TNFSF15: variants seen among roughly 807,000 people sequenced by gnomAD.
TNFSF15 encodes tumor necrosis factor ligand superfamily member 15.
In TNFSF15, 15 loss-of-function variants were observed where a neutral mutation model predicts 26.4. The ratio of observed to expected loss-of-function variants is 0.57; its 90% CI spans 0.38 to 0.87. The LOEUF (loss-of-function observed/expected upper bound fraction) is 0.87, where lower values mean the gene tolerates loss of function less well. Among genes scored for constraint, TNFSF15 ranks in the 40% least tolerant of loss-of-function variants. The probability of loss-of-function intolerance (pLI) is 0.00; values close to 1 mark genes in which losing one functional copy is unlikely to be tolerated. For missense variants in TNFSF15, 290 were observed against 306.1 expected (o/e 0.95, Z 0.39); for synonymous variants, 116 against 115.0 (o/e 1.01, Z -0.06).
chr9:114,804,654 C>T (rs543958055), intron 1 of TNFSF15, among the ~76,000 whole-genome samples: 1 of 152,348 alleles, frequency 6.6e-6, no homozygotes, highest in Admixed American at 6.5e-5. Flanking sequence ...CTTCCCATGA[C>T]CTGCGGTTCT....
rs557855030 is a variant in TNFSF15, at chr9:114,795,694, G to A, written c.211-2126C>T. ...ATCAATCCCTGTGGATACCGAGGGA[G>A]GACTGTCTCATGAATGAGGAATTGT... is the stretch of plus-strand genomic sequence containing the variant. On this transcript the variant is annotated intron_variant, in intron 1 of 3. Coordinates refer to ENST00000374045, the MANE Select transcript of TNFSF15 (RefSeq NM_005118.4). 2.0e-5 allele frequency among the ~76,000 whole-genome samples: 3 copies of A among 152,290 alleles called. No individual in the cohort carries two copies. In the South Asian group the frequency reaches 6.2e-4, roughly 32 times the overall value.
rs992781652 is a variant in TNFSF15 at position 114,792,330 on chromosome 9, G to A, written c.301+77C>T. 2.6e-6 allele frequency: 4 copies of A among 1,550,542 alleles called. No individual in the cohort carries two copies. The African/African-American group carries it at 5.5e-5, about 21-fold the overall frequency. On this transcript the variant is annotated intron_variant, in intron 3 of 3. Transcript: ENST00000374045. ...AGTTTTCATTTTAAGCCACTAGAATGAATTTTGGTAAAGTGCTGAAAGAAA... is the reference window on the plus strand; with the variant it reads ...AGTTTTCATTTTAAGCCACTAGAATAAATTTTGGTAAAGTGCTGAAAGAAA...
chr9:114,790,809 G>C lies in TNFSF15; in HGVS notation c.399C>G (p.Asn133Lys), dbSNP rs192783899. ...LGLAFTKNRM[N>K]YTNKFLLIPE... is the part of the protein sequence containing the mutation. Reference sequence around the variant, plus strand: ...GGATCAGCAGGAATTTGTTGGTATAGTTCATTCGGTTCTTGGTGAAGGCCA... The same window carrying C: ...GGATCAGCAGGAATTTGTTGGTATACTTCATTCGGTTCTTGGTGAAGGCCA... Residue 133 changes from asparagine to lysine, a missense_variant, in exon 4 of 4, where the codon AAC (asparagine) becomes AAG (lysine). Around this residue, in one of 3 missense-constraint regions of TNFSF15, gnomAD observed 179 missense variants for 165.9 expected, o/e 1.08. Coordinates refer to ENST00000374045, the MANE Select transcript of TNFSF15 (RefSeq NM_005118.4). 1.9e-6 allele frequency: 3 copies of C among 1,614,106 alleles called. No individual in the cohort carries two copies. The highest frequency in any genetic ancestry group is 2.2e-5 in the East Asian group (1 of 44,874).
intron 1 of TNFSF15, among the ~76,000 whole-genome samples, chr9:114,801,429 A>G (rs1046634500): frequency 6.6e-6 from 1 of 152,164 alleles, no homozygotes; most frequent in Non-Finnish European, 1.5e-5. Context: ...ACACAGAGAG[A>G]GCTCATAAAC....
rs770311260 is a variant in TNFSF15, at chr9:114,790,617, C to T, written c.591G>A (p.Gly197=). The change falls in exon 4 of 4, where the codon GGG becomes GGA. Residue 197 remains glycine (G), a synonymous_variant. Transcript: ENST00000374045. The stretch of plus-strand genomic sequence containing the variant: ...TACCTACTTCGCATACAGACTTGGT[C>T]CCCATGAGGAGCTGGGTTGGCTCAG... ...SYPEPTQLLM[G]TKSVCEVGSN... 1.2e-6 allele frequency: 2 copies of T among 1,614,026 alleles called. No homozygotes were observed. The highest frequency in any genetic ancestry group is 1.7e-6 in the Non-Finnish European group (2 of 1,179,992).
chr9:114,793,594 G>T lies in TNFSF15; in HGVS notation c.211-26C>A. 3 of 1,612,264 alleles carry T rather than the reference G, an allele frequency of 1.9e-6. No individual in the cohort carries two copies. The South Asian group carries it at 3.3e-5, about 18-fold the overall frequency. On this transcript the variant is annotated intron_variant, in intron 1 of 3. Transcript: ENST00000374045. ...CTATTGGGAAAGAAAGTATAGTTTA[G>T]ACCAACTGTGGTCCTTTTGATCCCA...
chr9:114,800,741 T>C (rs757871847), intron 1 of TNFSF15, among the ~76,000 whole-genome samples: 20 of 152,250 alleles, frequency 1.3e-4, no homozygotes, highest in Non-Finnish European at 1.9e-4. Flanking sequence ...TTTATAGGTG[T>C]GATCTCATGT....
rs1829473408 is a variant in TNFSF15 at position 114,784,994 on chromosome 9, C to G, written c.*5458G>C. 6.6e-6 allele frequency: 1 copy of G among 152,226 alleles called. No individual in the cohort carries two copies. Among genetic ancestry groups the G allele is most frequent in the African/African-American group, 2.4e-5 (1 of 41,456 alleles). 9.4% of individuals were successfully genotyped at this position (152,226 alleles called of 1,614,324 possible). On this transcript the variant is annotated 3_prime_UTR_variant, in exon 4 of 4. Coordinates refer to ENST00000374045, the MANE Select transcript of TNFSF15 (RefSeq NM_005118.4). ...TGATGAAGTTCAGCTACTTTATTTA[C>G]TTGGCACTGTGTGTCTTGTTCCTCC...
intron 1 of TNFSF15, among the ~76,000 whole-genome samples, chr9:114,796,027 A>G (rs1399694484): frequency 6.6e-6 from 1 of 152,222 alleles, no homozygotes; most frequent in African/African-American, 2.4e-5. Context: ...CTGACTTTAC[A>G]GTCTGTCCAG....
chr9:114,790,280 G>A lies in TNFSF15; in HGVS notation c.*172C>T, dbSNP rs1275381882. The A allele has an allele frequency of 3.3e-6, 2 of 602,030 alleles. No homozygotes were observed. Among genetic ancestry groups the A allele is most frequent in the Non-Finnish European group, 5.8e-6 (2 of 345,310 alleles). 37.3% of individuals were successfully genotyped at this position (602,030 alleles called of 1,614,324 possible). A position where few individuals can be genotyped will look rare whatever the true frequency, so the allele number is the denominator to read the frequency against. ...TTCCAGTTAGTACTCTCATCAGTAA[G>A]GCACATGAAGTGTGAAATTTTGGGC... On this transcript the variant is annotated 3_prime_UTR_variant, in exon 4 of 4. Coordinates refer to ENST00000374045, the MANE Select transcript of TNFSF15 (RefSeq NM_005118.4).
chr9:114,802,848 C>T (rs1219169771), intron 1 of TNFSF15, among the ~76,000 whole-genome samples: 1 of 152,148 alleles, frequency 6.6e-6, no homozygotes, highest in African/African-American at 2.4e-5. Context: ...AATATGGCTG[C>T]CTGAATGCAC....
At position 114,790,633 on chromosome 9, in the gene TNFSF15, G is replaced by C; in HGVS notation, c.575C>G (p.Thr192Ser). ...TKVTDSYPEP[T>S]QLLMGTKSVC... ...AGACTTGGTCCCCATGAGGAGCTGGGTTGGCTCAGGGTAGCTGTCTGTTAC... is the reference window on the plus strand; with the variant it reads ...AGACTTGGTCCCCATGAGGAGCTGGCTTGGCTCAGGGTAGCTGTCTGTTAC... The change falls in exon 4 of 4, where the codon ACC becomes AGC. Residue 192 changes from threonine to serine, a missense_variant. By Grantham distance (58) the Thr-to-Ser change is moderately conservative. Transcript: ENST00000374045. 6.2e-7 allele frequency: 1 copy of C among 1,614,076 alleles called. No homozygotes were observed. The highest frequency in any genetic ancestry group is 8.5e-7 in the Non-Finnish European group (1 of 1,180,008).
chr9:114,798,625 A>T (rs1829702540), intron 1 of TNFSF15, among the ~76,000 whole-genome samples: 1 of 152,112 alleles, frequency 6.6e-6, no homozygotes, highest in Non-Finnish European at 1.5e-5. Flanking sequence ...AATGGCACGA[A>T]AAGAGGTCAA....
chr9:114,799,466 G>A (rs1305774750), intron 1 of TNFSF15, among the ~76,000 whole-genome samples: 1 of 152,216 alleles, frequency 6.6e-6, no homozygotes, highest in Non-Finnish European at 1.5e-5. Flanking sequence ...ACAAGGAGTA[G>A]ATTTGGATGC....
intron 3 of TNFSF15, 132 bp downstream of exon 3, chr9:114,792,275 T>A: frequency 1.0e-6 from 1 of 972,684 alleles, no homozygotes; most frequent in Non-Finnish European, 1.5e-6. Flanking sequence ...ACTGGAATAT[T>A]GAGGGGAGGA....
At chr9:114,796,416 C>T (rs934846337) in intron 1 of TNFSF15, among the ~76,000 whole-genome samples, 1 of 152,328 alleles carries the variant, frequency 6.6e-6, no homozygotes. Context: ...CTAACTTATC[C>T]CAGTCTCGCT....
intron 1 of TNFSF15, among the ~76,000 whole-genome samples, chr9:114,797,588 C>G (rs1829688267): frequency 6.6e-6 from 1 of 152,166 alleles, no homozygotes; most frequent in Non-Finnish European, 1.5e-5. Context: ...TTACAGCTGT[C>G]CTAATGCCTG....
intron 3 of TNFSF15, 129 bp downstream of exon 3, chr9:114,792,278 G>A: frequency 1.9e-6 from 2 of 1,047,756 alleles, no homozygotes; most frequent in Non-Finnish European, 2.8e-6. Context: ...GGAATATTGA[G>A]GGGAGGAGTC....
At chr9:114,804,551 A>G (rs1200765251) in intron 1 of TNFSF15, among the ~76,000 whole-genome samples, 2 of 152,188 alleles carry the variant, frequency 1.3e-5, no homozygotes, top group African/African-American at 2.4e-5. Flanking sequence ...CCTTCTGGCT[A>G]AAGAGGGACA....
Sources: allele counts gnomAD v4.1 joint callset (sites outside exome capture counted in the v4.1 genomes callset), GRCh38; gene constraint gnomAD v4.1.1; regional missense constraint gnomAD v4.1.1; transcripts MANE v1.5; gene names NCBI Gene and HGNC (gene_info 2026-07-23, HGNC 2026-07-21).